LPAR1: variants seen among roughly 807,000 people sequenced by gnomAD.
LPAR1 encodes the protein LPA receptor 1.
LPAR1 carries 5 observed loss-of-function variants against 23.8 expected under a neutral mutation model. The ratio of observed to expected loss-of-function variants is 0.21; its 90% CI spans 0.11 to 0.44. The LOEUF (loss-of-function observed/expected upper bound fraction) is 0.44. Ranked by LOEUF, LPAR1 falls within the 20% of genes least tolerant of loss-of-function variation. The pLI is 0.99. For missense variants in LPAR1, 311 were observed against 482.8 expected (o/e 0.64, Z 3.33); for synonymous variants, 160 against 164.7 (o/e 0.97, Z 0.22).
chr9:110,903,545 C>G (rs1259133751), intron 5 of LPAR1: 1 of 152,064 alleles, frequency 6.6e-6, no homozygotes, highest in Non-Finnish European at 1.5e-5. Context: ...TGACAAAGGA[C>G]AGAATCAGTG....
At chr9:110,993,268 T>C (rs1490666389) in intron 2 of LPAR1, among the ~76,000 whole-genome samples, 2 of 152,160 alleles carry the variant, frequency 1.3e-5, no homozygotes, top group African/African-American at 4.8e-5. Flanking sequence ...ATGCTATCCC[T>C]TCCCCAGCCC....
chr9:111,037,691 G>C (rs528100561), intron 1 of LPAR1: 1 of 152,286 alleles, frequency 6.6e-6, no homozygotes. Context: ...AGCCCCAGGG[G>C]CGCAGGGACC....
In LPAR1 at chr9:110,972,036, C is replaced by G. The variant is rs530993587; in HGVS notation, c.45+37G>C. 29 of 1,586,430 alleles carry G rather than the reference C, an allele frequency of 1.8e-5. No homozygotes were observed. In the South Asian group the frequency reaches 2.7e-4, roughly 15 times the overall value. ...CCAGTTTAAATATTTGACAAACTTACGATTACCTCAGACCTCTGCTAGTTT... is the reference window on the plus strand; with the variant it reads ...CCAGTTTAAATATTTGACAAACTTAGGATTACCTCAGACCTCTGCTAGTTT... On this transcript the variant is annotated intron_variant, in intron 4 of 5. Coordinates refer to ENST00000683809, the MANE Select transcript of LPAR1 (RefSeq NM_001351411.2).
chr9:111,034,141 T>G (rs1307943312), intron 2 of LPAR1, among the ~76,000 whole-genome samples: 3 of 152,252 alleles, frequency 2.0e-5, no homozygotes, highest in African/African-American at 4.8e-5. Context: ...AGAATTCTCA[T>G]GGTTATGTCA....
chr9:110,988,964 G>A (rs1231362358), intron 2 of LPAR1, among the ~76,000 whole-genome samples: 2 of 151,976 alleles, frequency 1.3e-5, no homozygotes, highest in African/African-American at 4.8e-5. Context: ...AACAAAAAAA[G>A]AAAGAAAGAT....
chr9:110,908,665 G>A (rs7854828), intron 5 of LPAR1, among the ~76,000 whole-genome samples: 9,274 of 152,082 alleles, frequency 0.061, 972 homozygotes, highest in African/African-American at 0.21. Context: ...AAATGAATAC[G>A]ACTTCCTAGG....
At chr9:110,896,778 T>C (rs2086483532) in intron 5 of LPAR1, among the ~76,000 whole-genome samples, 2 of 149,058 alleles carry the variant, frequency 1.3e-5, no homozygotes, top group South Asian at 4.2e-4. Context: ...TGCAACTATT[T>C]AGTGAAATCT....
chr9:110,949,438 G>A (rs1217064982), intron 4 of LPAR1, among the ~76,000 whole-genome samples: 1 of 152,124 alleles, frequency 6.6e-6, no homozygotes, highest in Non-Finnish European at 1.5e-5. Context: ...ATTCTTTAAT[G>A]CTTAGTCTTA....
chr9:110,933,449 T>C (rs1190402480), intron 5 of LPAR1, among the ~76,000 whole-genome samples: 1 of 152,222 alleles, frequency 6.6e-6, no homozygotes, highest in African/African-American at 2.4e-5. Flanking sequence ...AATCAGTTCA[T>C]CTAATGCTCA....
intron 4 of LPAR1, 103 bp from the exon 5 acceptor site, chr9:110,942,271 C>A (rs1438649489): frequency 1.0e-6 from 1 of 985,052 alleles, no homozygotes; most frequent in Non-Finnish European, 1.5e-6. Context: ...AACAGAAAAA[C>A]AAAAGCAAAT....
At chr9:110,970,908 G>C (rs1452134748) in intron 4 of LPAR1, among the ~76,000 whole-genome samples, 1 of 152,206 alleles carries the variant, frequency 6.6e-6, no homozygotes, top group African/African-American at 2.4e-5. Flanking sequence ...GGCCAAGGCA[G>C]GTGGATCATT....
At chr9:111,023,990 A>C (rs2097625605) in intron 2 of LPAR1, among the ~76,000 whole-genome samples, 1 of 152,236 alleles carries the variant, frequency 6.6e-6, no homozygotes. Context: ...AGGTGCACAC[A>C]AAGACAAAAA....
At chr9:110,944,367 A>C (rs938415886) in intron 4 of LPAR1, among the ~76,000 whole-genome samples, 5 of 152,252 alleles carry the variant, frequency 3.3e-5, no homozygotes, top group African/African-American at 1.2e-4. Context: ...TGCTAAATAC[A>C]TATTGATTTC....
chr9:110,977,880 G>T (rs2096591690), intron 2 of LPAR1, among the ~76,000 whole-genome samples: 1 of 148,594 alleles, frequency 6.7e-6, no homozygotes, highest in African/African-American at 2.5e-5. Context: ...AGGAAGGAAG[G>T]AAGGAAGGAA....
chr9:110,922,842 T>TTATTAC (rs2093727918), intron 5 of LPAR1, among the ~76,000 whole-genome samples: 1 of 147,716 alleles, frequency 6.8e-6, no homozygotes, highest in East Asian at 2.0e-4. Flanking sequence ...ATTATTATTA[T>TTATTAC]TATTATTATT....
At chr9:110,962,442 A>G (rs1269095045) in intron 4 of LPAR1, among the ~76,000 whole-genome samples, 1 of 152,096 alleles carries the variant, frequency 6.6e-6, no homozygotes, top group South Asian at 2.1e-4. Context: ...AAACCTTCCT[A>G]TGCTTGGTGG....
intron 4 of LPAR1, among the ~76,000 whole-genome samples, chr9:110,967,285 G>C (rs1451445334): frequency 6.6e-6 from 1 of 152,114 alleles, no homozygotes; most frequent in Non-Finnish European, 1.5e-5. Context: ...GTAAAGCAGA[G>C]AATACAAACT....
At chr9:111,006,560 G>C (rs773603665) in intron 2 of LPAR1, among the ~76,000 whole-genome samples, 5 of 152,092 alleles carry the variant, frequency 3.3e-5, no homozygotes, top group Non-Finnish European at 7.4e-5. Context: ...AAAAGTTACA[G>C]ACTCAACACA....
rs1170728781 is a variant in LPAR1 at position 110,894,035 on chromosome 9, A to G, written c.794-18313T>C. Among the ~76,000 whole-genome samples, 9 of 152,368 alleles carry G rather than the reference A, an allele frequency of 5.9e-5. No individual in the cohort carries two copies. In the East Asian group the frequency reaches 1.5e-3, roughly 26 times the overall value. ...ATGCTTCAATGGAAAGAACTTCATT[A>G]AAAATGTTTTTAAAATAATAATAAA... On this transcript the variant is annotated intron_variant, in intron 5 of 5. Coordinates refer to ENST00000683809, the MANE Select transcript of LPAR1 (RefSeq NM_001351411.2).
Sources: gnomAD v4.1 joint callset for allele counts (sites outside exome capture counted in the v4.1 genomes callset) on GRCh38, gnomAD v4.1.1 for gene constraint, MANE v1.5 for transcripts, NCBI Gene and HGNC (gene_info 2026-07-23, HGNC 2026-07-21) for gene names.